The following PLCD4 variants were observed in gnomAD, a reference collection of about 807,000 sequenced individuals.
PLCD4 encodes phospholipase C delta 4.
Under a neutral mutation model 90.2 loss-of-function variants are expected in PLCD4, and 63 were observed. That is an observed-to-expected ratio of 0.70 (90% CI 0.57 to 0.86). The LOEUF (loss-of-function observed/expected upper bound fraction) is 0.86. Among genes scored for constraint, PLCD4 ranks in the 40% least tolerant of loss-of-function variants. PLCD4 has a pLI of 0.00. For synonymous variants in PLCD4, 294 were observed against 356.5 expected (o/e 0.82, Z 1.97); for missense variants, 830 against 956.3 (o/e 0.87, Z 1.74).
At chr2:218,627,800 C>T (rs752263814) in intron 6 of PLCD4, among the ~76,000 whole-genome samples, 2 of 152,182 alleles carry the variant, frequency 1.3e-5, no homozygotes, top group African/African-American at 2.4e-5. Flanking sequence ...GCGTGAGGCA[C>T]CGCGCCCAGC....
chr2:218,622,678 AAGG>A lies in PLCD4; in HGVS notation c.575_577del (p.Gly192del), dbSNP rs766977474. ...GACACGTCCCAGTCTGGAACCCTGG[AAGG>A]AGAAGAATTCGTACAGTTCTATAAG... On this transcript the variant is annotated inframe_deletion, in exon 6 of 16. Transcript: ENST00000450993. 5.0e-6 allele frequency: 8 copies of A among 1,613,830 alleles called. No homozygotes were observed. In the East Asian group the frequency reaches 1.3e-4, roughly 27 times the overall value.
At position 218,618,693 on chromosome 2, in the gene PLCD4, G is replaced by A. The variant is rs998141297; in HGVS notation, c.296G>A (p.Arg99His). Residue 99 changes from arginine (R) to histidine (H), a missense_variant, in exon 4 of 16, where the codon CGC becomes CAC. By Grantham distance (29) the Arg-to-His change is conservative (BLOSUM62 0). Transcript: ENST00000450993. ...TTCACCATTGTCTTCCATGGCCGCC[G>A]CTCCAACCTGGACCTGATGGCCAAC... is the stretch of plus-strand genomic sequence containing the variant. Reference protein sequence around the residue: ...QGFTIVFHGRRSNLDLMANSV... With the variant: ...QGFTIVFHGRHSNLDLMANSV... The A allele has an allele frequency of 1.9e-6, 3 of 1,613,746 alleles. No individual in the cohort carries two copies. Among genetic ancestry groups the A allele is most frequent in the South Asian group, 1.1e-5 (1 of 90,994 alleles).
In PLCD4 at chr2:218,637,044, G is replaced by A; in HGVS notation, c.*467G>A. The A allele has an allele frequency of 5.0e-6, 2 of 399,368 alleles. No individual in the cohort carries two copies. Among genetic ancestry groups the A allele is most frequent in the South Asian group, 3.8e-5 (2 of 52,612 alleles). The allele number at this position is 399,368 out of a possible 1,614,324, so 24.7% of individuals were successfully genotyped here. A position where few individuals can be genotyped will look rare whatever the true frequency, so the allele number is the denominator to read the frequency against. ...TAAATCAAGGCTCAAGGCTTCCCCA[G>A]CAAAGATTAGGGAAAGAGACTTGAC... On this transcript the variant is annotated 3_prime_UTR_variant, in exon 16 of 16. Transcript: ENST00000450993.
At chr2:218,625,443 CTACAGAGAGTAG>C (rs1455792281) in intron 6 of PLCD4, among the ~76,000 whole-genome samples, 1 of 152,208 alleles carries the variant, frequency 6.6e-6, no homozygotes, top group African/African-American at 2.4e-5. Flanking sequence ...CTTTATCTGG[CTACAGAGAGTAG>C]TATCAGTCAA....
chr2:218,616,932 A>ATATATATATATATG (rs1479684306), intron 3 of PLCD4, among the ~76,000 whole-genome samples: 4 of 13,542 alleles, frequency 3.0e-4, no homozygotes, highest in Non-Finnish European at 5.4e-4. Flanking sequence ...ATATATAGAG[A>ATATATATATATATG]GAGAGAGAGA....
intron 6 of PLCD4, among the ~76,000 whole-genome samples, chr2:218,627,079 CT>C (rs1418418346): frequency 6.6e-6 from 1 of 151,610 alleles, no homozygotes; most frequent in Non-Finnish European, 1.5e-5. Flanking sequence ...CGGTGAAACC[CT>C]GTCTCTACTA....
intron 7 of PLCD4, 136 bp downstream of exon 7, chr2:218,628,366 C>A: frequency 1.3e-6 from 1 of 788,026 alleles, no homozygotes; most frequent in Non-Finnish European, 2.0e-6. Context: ...ACCAGAGACA[C>A]TTGGAGGAGA....
At position 218,630,688 on chromosome 2, in the gene PLCD4, C is replaced by G. The variant is rs1288540725; in HGVS notation, c.1158C>G (p.His386Gln). Reference protein sequence around the residue: ...DYPVILSLETHCSWEQQQTMA... With the variant: ...DYPVILSLETQCSWEQQQTMA... Reference sequence around the variant, plus strand: ...CAGTCATCTTGTCCCTGGAGACCCACTGCAGCTGGGAGCAGCAGCAGACCA... The same window carrying G: ...CAGTCATCTTGTCCCTGGAGACCCAGTGCAGCTGGGAGCAGCAGCAGACCA... The change falls in exon 9 of 16, where the codon CAC becomes CAG. Residue 386 changes from histidine (H) to glutamine (Q), a missense_variant. Physicochemically the swap from His to Gln is conservative, Grantham distance 24. Transcript: ENST00000450993. 20 of 1,613,948 alleles carry G rather than the reference C, an allele frequency of 1.2e-5. No individual in the cohort carries two copies. Among genetic ancestry groups the G allele is most frequent in the Admixed American group, 3.3e-5 (2 of 60,008 alleles).
At position 218,634,468 on chromosome 2, in the gene PLCD4, T is replaced by C; in HGVS notation, c.1734T>C (p.Asn578=). The part of the protein sequence containing the change: ...WNAGCQMVAM[N]MQTAGLEMDI... ...TCCTGGGGCCCTCAGTGGCCATGAA[T>C]ATGCAGACTGCAGGGCTTGAAATGG... The change falls in exon 13 of 16, where the codon AAT becomes AAC. Residue 578 remains asparagine (N), a synonymous_variant. Transcript: ENST00000450993. The surrounding 1 kb of genome is among the most constrained non-coding windows in gnomAD (Gnocchi z 4.0). The C allele has an allele frequency of 6.2e-7, 1 of 1,612,880 alleles. No individual in the cohort carries two copies. Among genetic ancestry groups the C allele is most frequent in the Non-Finnish European group, 8.5e-7 (1 of 1,179,476 alleles).
intron 5 of PLCD4, 44 bp from the exon 6 acceptor site, chr2:218,622,603 C>A: frequency 2.9e-6 from 4 of 1,385,998 alleles, no homozygotes; most frequent in South Asian, 2.9e-5. Context: ...GATAACATTT[C>A]CCATTAAAAG....
At chr2:218,622,547 A>T in intron 5 of PLCD4, 100 bp from the exon 6 acceptor site, 1 of 671,244 alleles carries the variant, frequency 1.5e-6, no homozygotes, top group Non-Finnish European at 2.5e-6. Context: ...ATATACACCT[A>T]CTATGTACCC....
intron 6 of PLCD4, among the ~76,000 whole-genome samples, chr2:218,627,138 G>A (rs1696152529): frequency 6.6e-6 from 1 of 151,584 alleles, no homozygotes; most frequent in African/African-American, 2.4e-5. Flanking sequence ...GGGGGCGCCT[G>A]TAGTCCCAGC....
At chr2:218,633,882 A>G (rs1030922277) in intron 11 of PLCD4, 121 bp downstream of exon 11, 13 of 1,295,480 alleles carry the variant, frequency 1.0e-5, no homozygotes, top group Non-Finnish European at 1.2e-5. Context: ...AGGAGTTCAG[A>G]AACTCCTTAG....
chr2:218,615,839 C>T (rs1370759839), intron 2 of PLCD4, 65 bp from the exon 3 acceptor site: 1 of 1,605,428 alleles, frequency 6.2e-7, no homozygotes, highest in African/African-American at 1.3e-5. Context: ...ACCCCTGTTC[C>T]AGAGCTCTCC....
At chr2:218,617,199 C>A (rs1208765006) in intron 3 of PLCD4, among the ~76,000 whole-genome samples, 4 of 146,764 alleles carry the variant, frequency 2.7e-5, no homozygotes, top group Non-Finnish European at 6.0e-5. Context: ...CTCCTGACCC[C>A]GTGATCCGCC....
chr2:218,636,408 T>A lies in PLCD4; in HGVS notation c.2182+16T>A. ...ATGCAACAAGGTGAGCCAGCCCCTT[T>A]GGCCCCTGGCCAATACCCCAGCTCT... On this transcript the variant is annotated intron_variant, in intron 15 of 15. Coordinates refer to ENST00000450993, the MANE Select transcript of PLCD4 (RefSeq NM_032726.4). 6 of 1,614,018 alleles carry A rather than the reference T, an allele frequency of 3.7e-6. No homozygotes were observed. Among genetic ancestry groups the A allele is most frequent in the Non-Finnish European group, 5.1e-6 (6 of 1,179,880 alleles).
Position 218,634,024 on chromosome 2 carries a change from G to A in PLCD4, c.1607-81G>A. On this transcript the variant is annotated intron_variant, in intron 11 of 15. Transcript: ENST00000450993. This position sits in a 1 kb window ranked among gnomAD's most constrained non-coding sequence, Gnocchi z 4.0. ...AGCTTCAGATGCTGGAGAGAAGGGT[G>A]AAGAGTAGGCATGGTCCTTGGGACT... The A allele has an allele frequency of 6.6e-7, 1 of 1,516,298 alleles. No individual in the cohort carries two copies. Among genetic ancestry groups the A allele is most frequent in the Non-Finnish European group, 8.9e-7 (1 of 1,121,838 alleles). 93.9% of individuals were successfully genotyped at this position (1,516,298 alleles called of 1,614,324 possible).
At chr2:218,615,803 C>T (rs2106122889) in intron 2 of PLCD4, 42 bp downstream of exon 2, 1 of 1,601,726 alleles carries the variant, frequency 6.2e-7, no homozygotes, top group South Asian at 1.1e-5. Flanking sequence ...CCTTAGTGTA[C>T]AGCTCAGGGA....
At chr2:218,629,918 C>T (rs1324817343) in intron 8 of PLCD4, among the ~76,000 whole-genome samples, 1 of 152,220 alleles carries the variant, frequency 6.6e-6, no homozygotes, top group African/African-American at 2.4e-5. Context: ...TGGCTCATGC[C>T]TGTAATCCCA....
Sources: gnomAD v4.1 joint callset for allele counts (sites outside exome capture counted in the v4.1 genomes callset) on GRCh38, gnomAD v4.1.1 for gene constraint, Gnocchi (gnomAD v3.1) non-coding constraint, MANE v1.5 for transcripts, NCBI Gene and HGNC (gene_info 2026-07-23, HGNC 2026-07-21) for gene names.